The following SRCIN1 variants were observed in gnomAD, a reference collection of about 807,000 sequenced individuals.
SRCIN1 encodes the protein SRC kinase signaling inhibitor 1.
Under a neutral mutation model 116.2 loss-of-function variants are expected in SRCIN1, and 50 were observed. The ratio of observed to expected loss-of-function variants is 0.43; its 90% confidence interval spans 0.34 to 0.54. SRCIN1 has a LOEUF of 0.54. Among genes scored for constraint, SRCIN1 ranks in the 20% least tolerant of loss-of-function variants. The probability of loss-of-function intolerance (pLI) is 0.02; values close to 1 mark genes in which losing one functional copy is unlikely to be tolerated. For synonymous variants in SRCIN1, 736 were observed against 750.0 expected (o/e 0.98, Z 0.30); for missense variants, 1,446 against 1,672.0 (o/e 0.86, Z 2.36).
At chr17:38,595,119 C>T (rs1178807457) in intron 1 of SRCIN1, among the ~76,000 whole-genome samples, 6 of 152,156 alleles carry the variant, frequency 3.9e-5, no homozygotes, top group African/African-American at 4.8e-5. Context: ...ACTTGCTCAA[C>T]ACTTAAGCAA....
chr17:38,540,525 G>A (rs1237926527), intron 18 of SRCIN1, among the ~76,000 whole-genome samples: 1 of 151,998 alleles, frequency 6.6e-6, no homozygotes, highest in African/African-American at 2.4e-5. Flanking sequence ...TACAGACGAA[G>A]AAAGGGCCTG....
chr17:38,558,088 G>T lies in SRCIN1; in HGVS notation c.2201+139C>A. The T allele has an allele frequency of 1.1e-6, 1 of 927,346 alleles. No individual in the cohort carries two copies. The highest frequency in any genetic ancestry group is 1.6e-6 in the Non-Finnish European group (1 of 625,668). 57.4% of individuals were successfully genotyped at this position (927,346 alleles called of 1,614,324 possible). On this transcript the variant is annotated intron_variant, in intron 11 of 18. Coordinates refer to ENST00000617146, the MANE Select transcript of SRCIN1 (RefSeq NM_025248.3). The surrounding 1 kb of genome is among the most constrained non-coding windows in gnomAD (Gnocchi z 4.6). ...GGGTCACAGTGAAATCAGGCCAGAGGAGAATGAAATCAGGCTTCAGAACAG... is the reference window on the plus strand; with the variant it reads ...GGGTCACAGTGAAATCAGGCCAGAGTAGAATGAAATCAGGCTTCAGAACAG...
At chr17:38,573,957 C>T (rs1217392344) in intron 2 of SRCIN1, among the ~76,000 whole-genome samples, 1 of 152,232 alleles carries the variant, frequency 6.6e-6, no homozygotes, top group Non-Finnish European at 1.5e-5. Context: ...GAGTTACACT[C>T]GGCTAAAACA....
chr17:38,600,100 G>C (rs565211270), intron 1 of SRCIN1, among the ~76,000 whole-genome samples: 1 of 152,258 alleles, frequency 6.6e-6, no homozygotes, highest in South Asian at 2.1e-4. Flanking sequence ...TGTCCCCTGG[G>C]ACCATCCTTC....
At chr17:38,559,483 TG>T in intron 10 of SRCIN1, 101 bp downstream of exon 10, 1 of 1,258,332 alleles carries the variant, frequency 7.9e-7, no homozygotes, top group Non-Finnish European at 1.1e-6. Flanking sequence ...GTGGAAGCTC[TG>T]GGAAAAGGAT....
At chr17:38,579,579 C>T (rs1044825698) in intron 1 of SRCIN1, among the ~76,000 whole-genome samples, 1 of 152,182 alleles carries the variant, frequency 6.6e-6, no homozygotes, top group African/African-American at 2.4e-5. Context: ...CAGGGGCTTT[C>T]CCCCCACCTC....
At position 38,543,814 on chromosome 17, in the gene SRCIN1, C is replaced by T. The variant is rs371768773; in HGVS notation, c.3417+9G>A. 1.8e-5 allele frequency: 29 copies of T among 1,603,376 alleles called. No individual in the cohort carries two copies. The highest frequency in any genetic ancestry group is 1.7e-4 in the South Asian group (15 of 90,894). On this transcript the variant is annotated intron_variant, in intron 18 of 18. Coordinates refer to ENST00000617146, the MANE Select transcript of SRCIN1 (RefSeq NM_025248.3). The stretch of plus-strand genomic sequence containing the variant: ...GGGCCTGGGTGGCCCCCACAGTCCC[C>T]GCCCTCACCTGCTGCTGGGCCTGGA...
chr17:38,536,067 C>T (rs773042371), intron 18 of SRCIN1, among the ~76,000 whole-genome samples: 1 of 152,264 alleles, frequency 6.6e-6, no homozygotes, highest in Non-Finnish European at 1.5e-5. Flanking sequence ...CTCCCCCCAA[C>T]AGCCAGTGCA....
chr17:38,579,046 G>C (rs1907623529), intron 1 of SRCIN1, among the ~76,000 whole-genome samples: 1 of 152,242 alleles, frequency 6.6e-6, no homozygotes, highest in African/African-American at 2.4e-5. Flanking sequence ...TTCCTCCGTG[G>C]GTTTGGAGCG....
chr17:38,562,933 G>T lies in SRCIN1; in HGVS notation c.741-13C>A. The stretch of plus-strand genomic sequence containing the variant: ...GTCCTGGATGTCCCTGGGAGAGGCG[G>T]GGAGACGGGGGTCACCACCCATCCC... On this transcript the variant is annotated splice_polypyrimidine_tract_variant and intron_variant, in intron 5 of 18. Transcript: ENST00000617146. The surrounding 1 kb of genome is among the most constrained non-coding windows in gnomAD (Gnocchi z 4.2). 1 of 1,600,954 alleles carries T rather than the reference G, an allele frequency of 6.2e-7. No homozygotes were observed. Among genetic ancestry groups the T allele is most frequent in the Non-Finnish European group, 8.6e-7 (1 of 1,169,468 alleles).
intron 15 of SRCIN1, among the ~76,000 whole-genome samples, 183 bp downstream of exon 15, chr17:38,550,972 A>T (rs2143092727): frequency 6.6e-6 from 1 of 152,360 alleles, no homozygotes; most frequent in Non-Finnish European, 1.5e-5. Context: ...GATGGAGTCC[A>T]GCTTGCCCTG....
At position 38,558,467 on chromosome 17, in the gene SRCIN1, C is replaced by T; in HGVS notation, c.2026-65G>A. On this transcript the variant is annotated intron_variant, in intron 10 of 18. Transcript: ENST00000617146. The surrounding 1 kb of genome is among the most constrained non-coding windows in gnomAD (Gnocchi z 4.6). ...CGGAGCCGCGAGGCAGGGGAAGGGC[C>T]GGGAGAAGGCGGGTAGAGGACTGCC... 6.6e-7 allele frequency: 1 copy of T among 1,509,100 alleles called. No individual in the cohort carries two copies. Among genetic ancestry groups the T allele is most frequent in the South Asian group, 1.2e-5 (1 of 83,316 alleles). 93.5% of individuals were successfully genotyped at this position (1,509,100 alleles called of 1,614,324 possible).
In SRCIN1 at chr17:38,552,705, T is replaced by C. The variant is rs1320742333; in HGVS notation, c.2332+20A>G. The C allele has an allele frequency of 6.2e-7, 1 of 1,613,170 alleles. No individual in the cohort carries two copies. The highest frequency in any genetic ancestry group is 1.1e-5 in the South Asian group (1 of 91,030). ...TCCCCACCCTGAACAACGTGCTGCATTCGCAGGCCCCAGACCCACCCTTGA... is the reference window on the plus strand; with the variant it reads ...TCCCCACCCTGAACAACGTGCTGCACTCGCAGGCCCCAGACCCACCCTTGA... On this transcript the variant is annotated intron_variant, in intron 12 of 18. Transcript: ENST00000617146. The surrounding 1 kb of genome is among the most constrained non-coding windows in gnomAD (Gnocchi z 5.3).
At chr17:38,605,087 T>C (rs905408781) in intron 1 of SRCIN1, among the ~76,000 whole-genome samples, 1 of 151,860 alleles carries the variant, frequency 6.6e-6, no homozygotes, top group African/African-American at 2.4e-5. Flanking sequence ...GTGTGTGGAA[T>C]ACAGGCTTGT....
At chr17:38,551,825 A>G in intron 14 of SRCIN1, 61 bp downstream of exon 14, 1 of 1,607,052 alleles carries the variant, frequency 6.2e-7, no homozygotes, top group Non-Finnish European at 8.5e-7. Flanking sequence ...TCTAGGAAGG[A>G]TGGTCGTAAG....
chr17:38,580,277 AAC>A (rs151312373), intron 1 of SRCIN1, among the ~76,000 whole-genome samples: 47 of 149,760 alleles, frequency 3.1e-4, no homozygotes, highest in African/African-American at 4.1e-4. Context: ...ACCTGCCCCC[AAC>A]ACACACACAC....
At position 38,533,421 on chromosome 17, in the gene SRCIN1, G is replaced by A. The variant is rs763911583; in HGVS notation, c.3428C>T (p.Pro1143Leu). Reference protein sequence around the residue: ...RIQAQQQATKPSKEMSGSNET... With the variant: ...RIQAQQQATKLSKEMSGSNET... ...ATTCGACCCGCTCATCTCTTTAGAT[G>A]GTTTAGTGGCCTGGAACAAAAACAG... Residue 1143 changes from proline to leucine, a missense_variant, in exon 19 of 19, where the codon CCA (proline) becomes CTA (leucine). Coordinates refer to ENST00000617146, the MANE Select transcript of SRCIN1 (RefSeq NM_025248.3). The A allele has an allele frequency of 6.2e-7, 1 of 1,612,994 alleles. No individual in the cohort carries two copies. The highest frequency in any genetic ancestry group is 2.2e-5 in the East Asian group (1 of 44,836).
In SRCIN1 at chr17:38,562,320, C is replaced by A. The variant is rs1906327324; in HGVS notation, c.843G>T (p.Met281Ile). 4.8e-6 allele frequency: 7 copies of A among 1,471,420 alleles called. No homozygotes were observed. The highest frequency in any genetic ancestry group is 6.2e-6 in the Non-Finnish European group (7 of 1,120,430). The allele number at this position is 1,471,420 out of a possible 1,614,324, so 91.1% of individuals were successfully genotyped here. Residue 281 changes from methionine (M) to isoleucine (I), a missense_variant, in exon 7 of 19, where the codon ATG becomes ATT. By Grantham distance (10) the Met-to-Ile change is conservative. Around this residue, in one of 5 missense-constraint regions of SRCIN1, gnomAD observed 239 missense variants for 317.7 expected, o/e 0.75. Coordinates refer to ENST00000617146, the MANE Select transcript of SRCIN1 (RefSeq NM_025248.3). The surrounding 1 kb of genome is among the most constrained non-coding windows in gnomAD (Gnocchi z 4.2). Reference protein sequence around the residue: ...HLTNGDLRREMVYASRESSPT... With the variant: ...HLTNGDLRREIVYASRESSPT... ...GCGAGGACTCCCGCGATGCGTACAC[C>A]ATCTCTCTCTGCGCAGAAGACAGCC...
At chr17:38,582,752 T>G (rs2143347588) in intron 1 of SRCIN1, among the ~76,000 whole-genome samples, 1 of 152,262 alleles carries the variant, frequency 6.6e-6, no homozygotes, top group Admixed American at 6.5e-5. Context: ...AACAAAAAAG[T>G]AAGCTGAGGC....
Sources: gnomAD v4.1 joint callset for allele counts (sites outside exome capture counted in the v4.1 genomes callset) on GRCh38, gnomAD v4.1.1 for gene constraint, gnomAD v4.1.1 regional missense constraint, Gnocchi (gnomAD v3.1) non-coding constraint, MANE v1.5 for transcripts, NCBI Gene and HGNC (gene_info 2026-07-23, HGNC 2026-07-21) for gene names.